Variants in MYO5A observed in about 807,000 individuals in gnomAD.
The protein encoded by MYO5A is unconventional myosin-Va.
Under a neutral mutation model 249.7 loss-of-function variants are expected in MYO5A, and 98 were observed. That is an observed-to-expected ratio of 0.39 (90% confidence interval 0.33 to 0.46). The LOEUF is 0.46. Ranked by LOEUF, MYO5A falls within the 20% of genes least tolerant of loss-of-function variation. The pLI, the probability that MYO5A is intolerant of heterozygous loss-of-function variation, is 0.98. For synonymous variants in MYO5A, 778 were observed against 810.6 expected, an observed-to-expected ratio of 0.96 and a Z score of 0.68; for missense variants, 1,696 against 2,308.8, an observed-to-expected ratio of 0.73 and a Z score of 5.44.
intron 5 of MYO5A, among the ~76,000 whole-genome samples, chr15:52,413,147 CA>C (rs767059579): frequency 0.032 from 2,137 of 66,146 alleles, 27 homozygotes; most frequent in African/African-American, 0.088. Context: ...AACTCTGTCT[CA>C]AAAAAAAAAA....
At position 52,410,403 on chromosome 15, in the gene MYO5A, T is replaced by A; in HGVS notation, c.686A>T (p.Asp229Val). Residue 229 changes from aspartate (D) to valine (V), a missense_variant, in exon 6 of 42, where the codon GAT becomes GTT. Around this residue, in one of 5 missense-constraint regions of MYO5A, gnomAD observed 197 missense variants for 320.3 expected, o/e 0.62. Coordinates refer to ENST00000399233, the MANE Select transcript of MYO5A (RefSeq NM_001382347.1). ...GGCACCAATGATTCGATATCTCTTA[T>A]CAAAACCAATCTCAATATACTTCCC... ...RFGKYIEIGF[D>V]KRYRIIGANM... 1 of 1,613,502 alleles carries A rather than the reference T, an allele frequency of 6.2e-7. No individual in the cohort carries two copies. The highest frequency in any genetic ancestry group is 8.5e-7 in the Non-Finnish European group (1 of 1,179,466).
At position 52,346,517 on chromosome 15, in the gene MYO5A, T is replaced by C. The variant is rs1466493534; in HGVS notation, c.3859-56A>G. ...AGATTCAACTCAAAAGCTTTGGACATAAAACACATTTATTTGGTATAACTG... is the reference window on the plus strand; with the variant it reads ...AGATTCAACTCAAAAGCTTTGGACACAAAACACATTTATTTGGTATAACTG... On this transcript the variant is annotated intron_variant, in intron 29 of 41. Transcript: ENST00000399233. 6 of 1,114,348 alleles carry C rather than the reference T, an allele frequency of 5.4e-6. No individual in the cohort carries two copies. In the East Asian group the frequency reaches 1.5e-4, roughly 27 times the overall value. The allele number at this position is 1,114,348 out of a possible 1,614,324, so 69.0% of individuals were successfully genotyped here.
At chr15:52,337,741 T>C (rs1474288200) in intron 33 of MYO5A, 69 bp downstream of exon 33, 9 of 1,154,238 alleles carry the variant, frequency 7.8e-6, no homozygotes, top group East Asian at 2.6e-5. Flanking sequence ...GGCAGCAGTG[T>C]GCTCTTCAGT....
chr15:52,470,232 CT>C (rs2076431966), intron 1 of MYO5A, among the ~76,000 whole-genome samples: 1 of 152,268 alleles, frequency 6.6e-6, no homozygotes, highest in Admixed American at 6.5e-5. Flanking sequence ...TTATGACCCC[CT>C]GATCTAGAGG....
intron 9 of MYO5A, among the ~76,000 whole-genome samples, chr15:52,398,010 G>T (rs140859196): frequency 6.6e-5 from 10 of 152,180 alleles, no homozygotes; most frequent in Non-Finnish European, 1.5e-4. Context: ...CTGGGTGAAA[G>T]GAGGAGAAAA....
At chr15:52,490,584 A>G (rs1227106686) in intron 1 of MYO5A, among the ~76,000 whole-genome samples, 1 of 152,224 alleles carries the variant, frequency 6.6e-6, no homozygotes, top group Non-Finnish European at 1.5e-5. Context: ...AGTCAGATTC[A>G]TAGGGAGAGA....
chr15:52,387,936 C>T (rs776309569), intron 13 of MYO5A, 24 bp from the exon 14 acceptor site: 13 of 1,523,824 alleles, frequency 8.5e-6, no homozygotes, highest in Non-Finnish European at 1.1e-5. Context: ...GAAAAATCTC[C>T]TTAACTGATA....
intron 1 of MYO5A, among the ~76,000 whole-genome samples, chr15:52,441,680 A>G (rs935948544): frequency 2.8e-4 from 42 of 152,162 alleles, no homozygotes; most frequent in African/African-American, 9.7e-4. Context: ...CTCCTCTAAC[A>G]GGCTTTTCCT....
rs757575548 is a variant in MYO5A, at chr15:52,407,291, C to T, written c.946+1G>A. On this transcript the variant is annotated splice_donor_variant, in intron 8 of 41. Coordinates refer to ENST00000399233, the MANE Select transcript of MYO5A (RefSeq NM_001382347.1). LOFTEE classifies it high-confidence loss of function. ...AGAGCTCAAGAATAAAGTGACATTACCTAGCAAAGTGCAGGCCTGCCTAGT... is the reference window on the plus strand; with the variant it reads ...AGAGCTCAAGAATAAAGTGACATTATCTAGCAAAGTGCAGGCCTGCCTAGT... The T allele has an allele frequency of 1.2e-6, 2 of 1,606,684 alleles. No homozygotes were observed. The highest frequency in any genetic ancestry group is 1.1e-5 in the South Asian group (1 of 90,976).
chr15:52,344,741 T>C (rs1182336685), intron 30 of MYO5A, among the ~76,000 whole-genome samples: 3 of 152,212 alleles, frequency 2.0e-5, no homozygotes, highest in Non-Finnish European at 4.4e-5. Flanking sequence ...GATTCCATTA[T>C]CTTTGGAATA....
chr15:52,370,145 T>C (rs1253345425), intron 22 of MYO5A, 24 bp downstream of exon 22: 5 of 1,613,566 alleles, frequency 3.1e-6, no homozygotes, highest in African/African-American at 1.3e-5. Context: ...ACGGAGTAGA[T>C]GGGGATATGG....
At chr15:52,511,388 T>C (rs886453688) in intron 1 of MYO5A, among the ~76,000 whole-genome samples, 1 of 152,262 alleles carries the variant, frequency 6.6e-6, no homozygotes, top group Non-Finnish European at 1.5e-5. Flanking sequence ...CCCACATTAC[T>C]TCTCCTGATT....
chr15:52,469,516 C>T (rs2076416161), intron 1 of MYO5A, among the ~76,000 whole-genome samples: 1 of 152,248 alleles, frequency 6.6e-6, no homozygotes, highest in East Asian at 1.9e-4. Flanking sequence ...GGTCTTGCTG[C>T]CTCAGGGATG....
At chr15:52,325,565 C>T (rs917141140) in intron 36 of MYO5A, among the ~76,000 whole-genome samples, 1 of 151,884 alleles carries the variant, frequency 6.6e-6, no homozygotes, top group African/African-American at 2.4e-5. Flanking sequence ...CCATGCTTGG[C>T]TAATTTTTTT....
At chr15:52,452,176 C>T (rs1169450773) in intron 1 of MYO5A, among the ~76,000 whole-genome samples, 1 of 151,968 alleles carries the variant, frequency 6.6e-6, no homozygotes, top group Admixed American at 6.6e-5. Context: ...AGATTATCAC[C>T]AGCAATATCC....
In MYO5A at chr15:52,375,398, T is replaced by A. The variant is rs1333745220; in HGVS notation, c.2483A>T (p.Tyr828Phe). The change falls in exon 20 of 42, where the codon TAT becomes TTT. Residue 828 changes from tyrosine to phenylalanine, a missense_variant. By Grantham distance (22) the Tyr-to-Phe change is conservative. Transcript: ENST00000399233. ...ATIIQKYWRM[Y>F]VVRRRYKIRR... ...AATCTTGTACCTCCTGCGGACCACA[T>A]ACATGCGCCAGTACTTTTGAATGAT... The A allele has an allele frequency of 1.9e-6, 3 of 1,614,134 alleles. No individual in the cohort carries two copies. Among genetic ancestry groups the A allele is most frequent in the Non-Finnish European group, 2.5e-6 (3 of 1,180,018 alleles).
intron 1 of MYO5A, among the ~76,000 whole-genome samples, chr15:52,513,355 C>G (rs112834368): frequency 0.15 from 22,348 of 148,132 alleles, 1,794 homozygotes; most frequent in Middle Eastern, 0.21. Flanking sequence ...AGCCTGAACC[C>G]GGGAGGCAGA....
At chr15:52,331,051 A>G (rs28409636) in intron 34 of MYO5A, among the ~76,000 whole-genome samples, 14,416 of 152,232 alleles carry the variant, frequency 0.095, 2,113 homozygotes, top group African/African-American at 0.32. Context: ...GTGTTTCTTC[A>G]TACCACTTGG....
chr15:52,455,208 C>T (rs955509338), intron 1 of MYO5A, among the ~76,000 whole-genome samples: 2 of 151,842 alleles, frequency 1.3e-5, no homozygotes, highest in Admixed American at 6.6e-5. Flanking sequence ...AATTGGAAAT[C>T]CTAGAATAAA....
Sources: gnomAD v4.1 joint callset for allele counts (sites outside exome capture counted in the v4.1 genomes callset) on GRCh38, gnomAD v4.1.1 for gene constraint, gnomAD v4.1.1 regional missense constraint, MANE v1.5 for transcripts, NCBI Gene and HGNC (gene_info 2026-07-23, HGNC 2026-07-21) for gene names.